The following CCNY variants were observed in gnomAD, a reference collection of about 807,000 sequenced individuals.
CCNY encodes cyclin Y.
A neutral mutation model predicts 42.8 loss-of-function variants in CCNY; 19 were observed. The observed-to-expected ratio is 0.44, with a 90% confidence interval of 0.31 to 0.65. The LOEUF (loss-of-function observed/expected upper bound fraction) is 0.65, where lower values mean the gene tolerates loss of function less well. CCNY is among the 30% of genes least tolerant of loss of function. The pLI, the probability that CCNY is intolerant of heterozygous loss-of-function variation, is 0.07. For missense variants in CCNY, 370 were observed against 437.3 expected (o/e 0.85, Z 1.37); for synonymous variants, 165 against 162.7 (o/e 1.01, Z -0.11).
intron 7 of CCNY, among the ~76,000 whole-genome samples, chr10:35,539,410 C>G (rs183818588): frequency 6.6e-6 from 1 of 152,300 alleles, no homozygotes; most frequent in East Asian, 1.9e-4. Flanking sequence ...CATGGAATAT[C>G]TTTCTATTTA....
chr10:35,527,650 C>T (rs1050683161), intron 5 of CCNY, among the ~76,000 whole-genome samples: 3 of 152,168 alleles, frequency 2.0e-5, no homozygotes, highest in African/African-American at 4.8e-5. Flanking sequence ...TAATCTATTG[C>T]TCTCCTAGAT....
intron 1 of CCNY, among the ~76,000 whole-genome samples, chr10:35,404,862 C>T (rs552274728): frequency 5.4e-4 from 82 of 152,192 alleles, no homozygotes; most frequent in African/African-American, 1.9e-3. Flanking sequence ...GGGCTGTCCA[C>T]GAAGCCTTGC....
intron 8 of CCNY, among the ~76,000 whole-genome samples, chr10:35,556,846 ATTT>A (rs61540981): frequency 7.2e-6 from 1 of 139,450 alleles, no homozygotes. Flanking sequence ...TCCTCACTAC[ATTT>A]TTTTTTTTTT....
At chr10:35,473,804 G>A (rs940939434) in intron 1 of CCNY, among the ~76,000 whole-genome samples, 6 of 152,124 alleles carry the variant, frequency 3.9e-5, no homozygotes, top group African/African-American at 1.2e-4. Context: ...CAAGATGGCC[G>A]AATAGGAACA....
intron 1 of CCNY, among the ~76,000 whole-genome samples, chr10:35,454,589 T>C (rs1467648124): frequency 1.3e-5 from 2 of 152,246 alleles, no homozygotes; most frequent in Non-Finnish European, 2.9e-5. Context: ...AAAGTGTCAG[T>C]CCGATGGCTT....
At chr10:35,460,947 T>G (rs574927824) in intron 1 of CCNY, among the ~76,000 whole-genome samples, 1 of 152,258 alleles carries the variant, frequency 6.6e-6, no homozygotes, top group South Asian at 2.1e-4. Context: ...GAGGTTGGGC[T>G]AGGACATCCA....
At chr10:35,322,235 T>C in intron 3 of CCNY, among the ~76,000 whole-genome samples, 1 of 151,890 alleles carries the variant, frequency 6.6e-6, no homozygotes, top group East Asian at 1.9e-4. Flanking sequence ...TTGCCTCCTG[T>C]AGTCCCAGCT....
At chr10:35,555,070 C>A (rs1028244118) in intron 8 of CCNY, among the ~76,000 whole-genome samples, 5 of 152,116 alleles carry the variant, frequency 3.3e-5, no homozygotes, top group African/African-American at 1.2e-4. Context: ...TACACACTGC[C>A]CAGTTCATGC....
chr10:35,474,242 G>A (rs958927039), intron 1 of CCNY, among the ~76,000 whole-genome samples: 3 of 152,210 alleles, frequency 2.0e-5, no homozygotes, highest in Admixed American at 6.5e-5. Flanking sequence ...CATTGCCCAC[G>A]CTTGCTTAGG....
intron 7 of CCNY, among the ~76,000 whole-genome samples, chr10:35,546,351 G>A (rs903494227): frequency 1.3e-5 from 2 of 152,186 alleles, no homozygotes; most frequent in African/African-American, 2.4e-5. Context: ...GTGATGTGCA[G>A]TCAGCTGATG....
chr10:35,471,435 C>G (rs189394393), intron 1 of CCNY, among the ~76,000 whole-genome samples: 70 of 152,224 alleles, frequency 4.6e-4, no homozygotes, highest in Admixed American at 4.6e-3. Context: ...TACCTGGATC[C>G]TTTATAACAC....
chr10:35,526,033 C>T (rs143625689), intron 5 of CCNY, 34 bp downstream of exon 5: 57 of 1,574,758 alleles, frequency 3.6e-5, no homozygotes, highest in Middle Eastern at 1.7e-4. Flanking sequence ...AAACATCATA[C>T]GTTATCTTCT....
At chr10:35,402,839 T>C (rs1400680976) in intron 1 of CCNY, among the ~76,000 whole-genome samples, 1 of 152,108 alleles carries the variant, frequency 6.6e-6, no homozygotes, top group Non-Finnish European at 1.5e-5. Context: ...AGCCACTAAA[T>C]ACCAAGAGCC....
At chr10:35,375,786 G>C (rs1414608509) in intron 1 of CCNY, among the ~76,000 whole-genome samples, 1 of 152,216 alleles carries the variant, frequency 6.6e-6, no homozygotes, top group African/African-American at 2.4e-5. Flanking sequence ...GGTGAAGCAG[G>C]TTCTTAGCAT....
chr10:35,494,911 A>G (rs1230282216), intron 2 of CCNY, among the ~76,000 whole-genome samples: 1 of 152,214 alleles, frequency 6.6e-6, no homozygotes, highest in Non-Finnish European at 1.5e-5. Flanking sequence ...TTGTTGGATT[A>G]AACAGGTTGG....
At position 35,359,210 on chromosome 10, in the gene CCNY, C is replaced by A. The variant is rs144576893; in HGVS notation, c.154+22003C>A. 3.5e-3 allele frequency among the ~76,000 whole-genome samples: 527 copies of A among 152,284 alleles called. 5 individuals carry two copies. The highest frequency in any genetic ancestry group is 0.012 in the African/African-American group (516 of 41,564). On this transcript the variant is annotated intron_variant, in intron 1 of 9. Transcript: ENST00000374704. Reference sequence around the variant, plus strand: ...GTGTTACTCCCCAGCTGTTTTGCCTCCCCCTGTCCTGTCCCCTCTGTGGGT... The same window carrying A: ...GTGTTACTCCCCAGCTGTTTTGCCTACCCCTGTCCTGTCCCCTCTGTGGGT...
chr10:35,448,238 G>T (rs565274990), intron 1 of CCNY, among the ~76,000 whole-genome samples: 3 of 152,150 alleles, frequency 2.0e-5, no homozygotes, highest in Non-Finnish European at 4.4e-5. Context: ...CTCTCTGTTG[G>T]ACACCATCTG....
rs79981705 is a variant in CCNY at position 35,417,616 on chromosome 10, T to C, written c.155-65788T>C. ...AGACACCAGATGATTTGTAGAGCTT[T>C]TGGTCGTGTAGTTTTAATTCTAGGG... On this transcript the variant is annotated intron_variant, in intron 1 of 9. Transcript: ENST00000374704. Among the ~76,000 whole-genome samples, 1,398 of 152,310 alleles carry C rather than the reference T, an allele frequency of 9.2e-3. 14 individuals are homozygous for C. Among genetic ancestry groups the C allele is most frequent in the Middle Eastern group, 0.017 (5 of 294 alleles).
rs180897430 is a variant in CCNY, at chr10:35,422,743, T to C, written c.155-60661T>C. 1.5e-3 allele frequency among the ~76,000 whole-genome samples: 225 copies of C among 152,338 alleles called. 1 individual carries two copies. The highest frequency in any genetic ancestry group is 5.1e-3 in the African/African-American group (212 of 41,572). On this transcript the variant is annotated intron_variant, in intron 1 of 9. Coordinates refer to ENST00000374704, the MANE Select transcript of CCNY (RefSeq NM_145012.6). Reference sequence around the variant, plus strand: ...TTTTGTCATTTAAGAGTTAAAGGAATAGAGAGAATTGTGCCATTTAAATGA... The same window carrying C: ...TTTTGTCATTTAAGAGTTAAAGGAACAGAGAGAATTGTGCCATTTAAATGA...
Sources: gnomAD v4.1 joint callset for allele counts (sites outside exome capture counted in the v4.1 genomes callset) on GRCh38, gnomAD v4.1.1 for gene constraint, MANE v1.5 for transcripts, NCBI Gene and HGNC (gene_info 2026-07-23, HGNC 2026-07-21) for gene names.